The following ZC3H12B variants were observed in gnomAD, a reference collection of about 807,000 sequenced individuals.
ZC3H12B encodes probable ribonuclease ZC3H12B.
Under a neutral mutation model 43.9 loss-of-function variants are expected in ZC3H12B, and 7 were observed. The observed-to-expected ratio is 0.16, with a 90% CI of 0.09 to 0.30. ZC3H12B has a LOEUF of 0.30. Ranked by LOEUF, ZC3H12B falls within the 10% of genes least tolerant of loss-of-function variation. ZC3H12B has a pLI of 1.00. For missense variants in ZC3H12B, 475 were observed against 670.2 expected (o/e 0.71, Z 3.22); for synonymous variants, 222 against 241.7 (o/e 0.92, Z 0.76).
the ZC3H12B span, among the ~76,000 whole-genome samples, chrX:65,295,533 C>G: frequency 9.0e-6 from 1 of 111,149 alleles, no homozygotes; most frequent in Non-Finnish European, 1.9e-5. Flanking sequence ...CCAAACCCAA[C>G]AGAAGAAGAG....
chrX:65,302,505 T>A, the ZC3H12B span, among the ~76,000 whole-genome samples: 103 of 111,618 alleles, frequency 9.2e-4, no homozygotes, highest in African/African-American at 3.2e-3. Flanking sequence ...ATGAAAAAAA[T>A]TAAAGAAGAA....
At chrX:65,391,726 C>T (rs1374537063) in intron 2 of ZC3H12B, among the ~76,000 whole-genome samples, 3 of 110,294 alleles carry the variant, frequency 2.7e-5, no homozygotes, top group African/African-American at 9.9e-5. Flanking sequence ...CAACATTCTC[C>T]CTCTCCCTCT....
At chrX:65,431,851 C>T (rs182171255) in intron 3 of ZC3H12B, among the ~76,000 whole-genome samples, 1 of 112,326 alleles carries the variant, frequency 8.9e-6, no homozygotes, top group East Asian at 2.8e-4. Context: ...CAACAAAGTA[C>T]AGTGCTGTGT....
At chrX:65,251,817 A>C in the ZC3H12B span, among the ~76,000 whole-genome samples, 1 of 111,449 alleles carries the variant, frequency 9.0e-6, no homozygotes, top group Non-Finnish European at 1.9e-5. Context: ...GTTGCTTATC[A>C]GCTTAAGGAA....
At chrX:65,126,617 A>T in the ZC3H12B span, among the ~76,000 whole-genome samples, 1 of 109,612 alleles carries the variant, frequency 9.1e-6, no homozygotes, top group Non-Finnish European at 1.9e-5. Flanking sequence ...TTTCTTGGGT[A>T]CACCAATTAT....
upstream of ZC3H12B, among the ~76,000 whole-genome samples, chrX:65,486,653 G>C (rs2068127542): frequency 1.8e-5 from 2 of 112,200 alleles, no homozygotes; most frequent in African/African-American, 6.5e-5. Flanking sequence ...TATTGAGTAG[G>C]AAACTTCCAC....
At chrX:65,167,638 C>T in the ZC3H12B span, among the ~76,000 whole-genome samples, 314 of 111,615 alleles carry the variant, frequency 2.8e-3, 1 homozygote, top group African/African-American at 6.9e-3. Flanking sequence ...TTGGGCAGTA[C>T]GGCTGTTTTC....
the ZC3H12B span, among the ~76,000 whole-genome samples, chrX:65,148,629 C>T: frequency 9.0e-6 from 1 of 111,229 alleles, no homozygotes; most frequent in Non-Finnish European, 1.9e-5. Context: ...GTGCTCCTTT[C>T]CCTCTTCTTC....
the ZC3H12B span, among the ~76,000 whole-genome samples, chrX:65,189,623 C>G: frequency 3.9e-5 from 4 of 101,652 alleles, no homozygotes; most frequent in Non-Finnish European, 7.9e-5. Context: ...TCATGTCCTT[C>G]GCCCACTTTT....
chrX:65,295,909 TA>T, the ZC3H12B span, among the ~76,000 whole-genome samples: 24 of 108,825 alleles, frequency 2.2e-4, no homozygotes, highest in Non-Finnish European at 3.6e-4. Flanking sequence ...GAAACAGTAA[TA>T]AAAAAAAATG....
At chrX:65,190,157 A>G in the ZC3H12B span, among the ~76,000 whole-genome samples, 32 of 110,132 alleles carry the variant, frequency 2.9e-4, no homozygotes, top group Admixed American at 3.0e-3. Flanking sequence ...ATTGATCTAT[A>G]TCTCTGTTTT....
chrX:65,199,691 G>A, the ZC3H12B span, among the ~76,000 whole-genome samples: 13,495 of 110,363 alleles, frequency 0.12, 2,040 homozygotes, highest in African/African-American at 0.42. Context: ...GTGGGAACAT[G>A]CAGTGTCTGG....
the ZC3H12B span, among the ~76,000 whole-genome samples, chrX:65,182,726 AAAAAAAC>A: frequency 7.5e-4 from 83 of 111,231 alleles, no homozygotes; most frequent in Admixed American, 1.6e-3. Context: ...ACAAACAAAA[AAAAAAAC>A]AAAAAACCCT....
At chrX:65,147,929 G>A in the ZC3H12B span, among the ~76,000 whole-genome samples, 1 of 110,804 alleles carries the variant, frequency 9.0e-6, no homozygotes, top group African/African-American at 3.3e-5. Context: ...TTGCCAGTTG[G>A]GTATGTGAGT....
At chrX:65,232,525 G>A in the ZC3H12B span, among the ~76,000 whole-genome samples, 1 of 111,047 alleles carries the variant, frequency 9.0e-6, no homozygotes, top group Non-Finnish European at 1.9e-5. Context: ...AGTTATCCTC[G>A]GTTTAAAATA....
the ZC3H12B span, among the ~76,000 whole-genome samples, chrX:65,155,359 A>T: frequency 9.0e-6 from 1 of 110,502 alleles, no homozygotes; most frequent in Non-Finnish European, 1.9e-5. Context: ...CCGTGCTTTG[A>T]TCTGCTAATG....
the ZC3H12B span, among the ~76,000 whole-genome samples, chrX:65,039,795 C>A: frequency 9.0e-5 from 10 of 111,519 alleles, no homozygotes; most frequent in Non-Finnish European, 1.9e-4. Context: ...CTAAATCAGG[C>A]AATTTTTGAG....
At chrX:65,102,585 A>G in the ZC3H12B span, among the ~76,000 whole-genome samples, 1 of 111,971 alleles carries the variant, frequency 8.9e-6, no homozygotes, top group African/African-American at 3.2e-5. Flanking sequence ...ATTTCTATAC[A>G]CTAATAATAG....
the ZC3H12B span, among the ~76,000 whole-genome samples, chrX:65,039,393 T>C: frequency 8.9e-6 from 1 of 111,777 alleles, no homozygotes; most frequent in Non-Finnish European, 1.9e-5. Context: ...AAACCTGAAA[T>C]TGAATTTTGA....
Sources: allele counts gnomAD v4.1 joint callset (sites outside exome capture counted in the v4.1 genomes callset), GRCh38; gene constraint gnomAD v4.1.1; transcripts MANE v1.5; gene names NCBI Gene and HGNC (gene_info 2026-07-23, HGNC 2026-07-21).